Variants in MTR observed in about 807,000 individuals in gnomAD.
MTR encodes methionine synthase.
A neutral mutation model predicts 154.8 loss-of-function variants in MTR; 84 were observed. That is an observed-to-expected ratio of 0.54 (90% CI 0.45 to 0.65). The LOEUF is 0.65. Ranked by LOEUF, MTR falls within the 30% of genes least tolerant of loss-of-function variation. MTR has a pLI of 0.00. For missense variants in MTR, 1,275 were observed against 1,570.2 expected, an observed-to-expected ratio of 0.81 and a Z score of 3.18; for synonymous variants, 554 against 553.9, an observed-to-expected ratio of 1.00 and a Z score of 0.00.
chr1:236,861,615 AT>A (rs1264102346), intron 20 of MTR, among the ~76,000 whole-genome samples: 7 of 152,344 alleles, frequency 4.6e-5, no homozygotes, highest in African/African-American at 1.7e-4. Flanking sequence ...TTAAGACTTG[AT>A]TTGACCAGGC....
At chr1:236,866,846 A>G (rs947870932) in intron 22 of MTR, among the ~76,000 whole-genome samples, 2 of 152,244 alleles carry the variant, frequency 1.3e-5, no homozygotes, top group Non-Finnish European at 2.9e-5. Flanking sequence ...TGGAGCAATA[A>G]CAAATTGAAG....
chr1:236,882,256 G>GTA (rs1478325642), intron 25 of MTR, among the ~76,000 whole-genome samples: 2 of 152,140 alleles, frequency 1.3e-5, no homozygotes, highest in Non-Finnish European at 2.9e-5. Flanking sequence ...AAACACTGAT[G>GTA]TATAGCCCTG....
Position 236,812,814 on chromosome 1 carries a change from T to A in MTR, c.579T>A (p.Ile193=). 6.2e-7 allele frequency: 1 copy of A among 1,614,024 alleles called. No homozygotes were observed. Among genetic ancestry groups the A allele is most frequent in the Non-Finnish European group, 8.5e-7 (1 of 1,179,968 alleles). The change falls in exon 6 of 33, where the codon ATT becomes ATA. Residue 193 remains isoleucine, a synonymous_variant. Coordinates refer to ENST00000366577, the MANE Select transcript of MTR (RefSeq NM_000254.3). ...LLDGGVDILL[I]ETIFDTANAK... ...ATGGCGGGGTTGATATCTTACTCAT[T>A]GAAACTATTTTTGATACTGCCAATG...
intron 13 of MTR, 31 bp downstream of exon 13, chr1:236,832,109 C>A: frequency 6.6e-7 from 1 of 1,521,396 alleles, no homozygotes; most frequent in South Asian, 1.1e-5. Flanking sequence ...CCTGAGGCAT[C>A]TGCCCATGTC....
At position 236,900,781 on chromosome 1, in the gene MTR, G is replaced by C. The variant is rs1305027111; in HGVS notation, c.*3137G>C. On this transcript the variant is annotated 3_prime_UTR_variant, in exon 33 of 33. Coordinates refer to ENST00000366577, the MANE Select transcript of MTR (RefSeq NM_000254.3). ...AGCTAGAAAGGTGAGGGGCAGGAGA[G>C]TGGTGCATCCTTGCTGCTGCCAGCA... The C allele has an allele frequency of 6.6e-6, 1 of 152,564 alleles. No homozygotes were observed. Among genetic ancestry groups the C allele is most frequent in the African/African-American group, 2.4e-5 (1 of 41,464 alleles). 9.5% of individuals were successfully genotyped at this position (152,564 alleles called of 1,614,324 possible).
intron 5 of MTR, among the ~76,000 whole-genome samples, chr1:236,811,283 A>G (rs1346106610): frequency 2.0e-5 from 3 of 152,130 alleles, no homozygotes; most frequent in Non-Finnish European, 4.4e-5. Flanking sequence ...CCCTCTCACA[A>G]CACGCGGGAA....
rs752563385 is a variant in MTR at position 236,891,117 on chromosome 1, T to C, written c.3008-16T>C. 2 of 1,613,986 alleles carry C rather than the reference T, an allele frequency of 1.2e-6. No homozygotes were observed. The highest frequency in any genetic ancestry group is 1.7e-6 in the Non-Finnish European group (2 of 1,179,860). On this transcript the variant is annotated splice_polypyrimidine_tract_variant and intron_variant, in intron 28 of 32. Transcript: ENST00000366577. The stretch of plus-strand genomic sequence containing the variant: ...TTGGCATCTTTAAGTGAATTCTAAT[T>C]CTGTTTTTCTAATAGGTGGAGAGGC...
intron 30 of MTR, 37 bp downstream of exon 30, chr1:236,894,594 G>C: frequency 6.2e-7 from 1 of 1,612,162 alleles, no homozygotes; most frequent in Non-Finnish European, 8.5e-7. Flanking sequence ...GCTGAGGACA[G>C]AGGCCAGGCA....
intron 16 of MTR, among the ~76,000 whole-genome samples, chr1:236,851,315 A>G (rs1330755368): frequency 1.3e-5 from 2 of 152,120 alleles, no homozygotes; most frequent in Admixed American, 6.5e-5. Flanking sequence ...CATGTTTTTC[A>G]CACTTTTATG....
chr1:236,845,782 A>T (rs1663532063), intron 15 of MTR, among the ~76,000 whole-genome samples: 1 of 152,226 alleles, frequency 6.6e-6, no homozygotes, highest in Admixed American at 6.5e-5. Flanking sequence ...CAAAGCAAAA[A>T]TCCTGTATAC....
intron 15 of MTR, among the ~76,000 whole-genome samples, chr1:236,843,519 G>C (rs1477119515): frequency 6.6e-6 from 1 of 152,174 alleles, no homozygotes; most frequent in Admixed American, 6.5e-5. Context: ...GAACAGAGGA[G>C]CGAATATGAT....
intron 22 of MTR, among the ~76,000 whole-genome samples, chr1:236,872,775 G>T (rs1572304185): frequency 6.6e-6 from 1 of 152,316 alleles, no homozygotes; most frequent in African/African-American, 2.4e-5. Context: ...GGAAGCCGAG[G>T]TGGGAGGATC....
chr1:236,816,192 A>G (rs748798667), intron 7 of MTR, among the ~76,000 whole-genome samples: 4 of 152,148 alleles, frequency 2.6e-5, no homozygotes, highest in Non-Finnish European at 4.4e-5. Context: ...TGTGAATTCC[A>G]AAGTTGTTTT....
intron 8 of MTR, among the ~76,000 whole-genome samples, chr1:236,816,824 T>G (rs1661623780): frequency 6.6e-6 from 1 of 152,240 alleles, no homozygotes. Context: ...TTGCAAATTT[T>G]AGGGCAGTGA....
At chr1:236,863,585 T>C in intron 22 of MTR, 31 bp downstream of exon 22, 1 of 1,567,874 alleles carries the variant, frequency 6.4e-7, no homozygotes, top group Non-Finnish European at 8.8e-7. Flanking sequence ...TTTCAACCCC[T>C]TTTCCATTTA....
intron 28 of MTR, 133 bp from the exon 29 acceptor site, chr1:236,891,000 A>C (rs1666285403): frequency 1.9e-6 from 2 of 1,070,238 alleles, no homozygotes; most frequent in Admixed American, 3.8e-5. Context: ...CAAACACCAG[A>C]AAGCATTTGA....
intron 5 of MTR, among the ~76,000 whole-genome samples, 199 bp from the exon 6 acceptor site, chr1:236,812,539 A>G (rs1300921537): frequency 1.3e-5 from 2 of 152,192 alleles, no homozygotes; most frequent in Non-Finnish European, 2.9e-5. Context: ...GTGTTTAGGA[A>G]CAGCTGCCTT....
rs16834396 is a variant in MTR at position 236,799,087 on chromosome 1, G to A, written c.34+3350G>A. Among the ~76,000 whole-genome samples the A allele has an allele frequency of 2.8e-3, 424 of 151,644 alleles. 2 individuals carry two copies. The highest frequency in any genetic ancestry group is 1.0e-2 in the African/African-American group (412 of 41,400). On this transcript the variant is annotated intron_variant, in intron 1 of 32. Transcript: ENST00000366577. Reference sequence around the variant, plus strand: ...GGGAAATCTTACATTATCCTCTAAAGGAAAAATAAGCAAGTAGTTGAGGAA... The same window carrying A: ...GGGAAATCTTACATTATCCTCTAAAAGAAAAATAAGCAAGTAGTTGAGGAA...
Position 236,898,007 on chromosome 1 carries a change from T to C in MTR, c.*363T>C, listed in dbSNP as rs1346940045. 1.5e-5 allele frequency: 4 copies of C among 261,526 alleles called. No homozygotes were observed. Among genetic ancestry groups the C allele is most frequent in the African/African-American group, 2.3e-5 (1 of 43,236 alleles). 16.2% of individuals were successfully genotyped at this position (261,526 alleles called of 1,614,324 possible). A position where few individuals can be genotyped will look rare whatever the true frequency, so the allele number is the denominator to read the frequency against. On this transcript the variant is annotated 3_prime_UTR_variant, in exon 33 of 33. Coordinates refer to ENST00000366577, the MANE Select transcript of MTR (RefSeq NM_000254.3). ...CTAGGAGGCCACTTAGTCGTCTTTT[T>C]TTCCTCTTAGAAGAAAAGCCTGAAA...
Sources: allele counts gnomAD v4.1 joint callset (sites outside exome capture counted in the v4.1 genomes callset), GRCh38; gene constraint gnomAD v4.1.1; transcripts MANE v1.5; gene names NCBI Gene and HGNC (gene_info 2026-07-23, HGNC 2026-07-21).